The following TENM2 variants were observed in gnomAD, a reference collection of about 807,000 sequenced individuals.
TENM2 encodes the protein teneurin-2.
A neutral mutation model predicts 245.2 loss-of-function variants in TENM2; 52 were observed. That is an observed-to-expected ratio of 0.21 (90% CI 0.17 to 0.27). The LOEUF (loss-of-function observed/expected upper bound fraction) is 0.27. TENM2 is among the 10% of genes least tolerant of loss of function. The pLI is 1.00. For synonymous variants in TENM2, 1,363 were observed against 1,438.9 expected (o/e 0.95, Z 1.19); for missense variants, 3,046 against 3,666.8 (o/e 0.83, Z 4.37).
At chr5:167,918,725 T>C (rs961758623) in intron 3 of TENM2, among the ~76,000 whole-genome samples, 12 of 152,002 alleles carry the variant, frequency 7.9e-5, no homozygotes, top group African/African-American at 2.7e-4. Flanking sequence ...CAGCACCTCC[T>C]GTTAGGCTGA....
intron 2 of TENM2, among the ~76,000 whole-genome samples, chr5:167,576,446 A>C (rs976972316): frequency 3.9e-5 from 6 of 152,140 alleles, no homozygotes; most frequent in Non-Finnish European, 5.9e-5. Flanking sequence ...CTAATTAATG[A>C]ATTATATTGA....
intron 1 of TENM2, among the ~76,000 whole-genome samples, chr5:167,330,489 G>A (rs565463232): frequency 1.3e-5 from 2 of 152,112 alleles, no homozygotes; most frequent in Non-Finnish European, 2.9e-5. Flanking sequence ...ATAAGGAAGA[G>A]CTTTCAAAAG....
chr5:167,109,842 A>G, the TENM2 span, among the ~76,000 whole-genome samples: 1 of 152,168 alleles, frequency 6.6e-6, no homozygotes, highest in Non-Finnish European at 1.5e-5. Flanking sequence ...CCCTATCTCA[A>G]GTGTGGTCCT....
the TENM2 span, among the ~76,000 whole-genome samples, chr5:167,237,782 G>T: frequency 1.9e-4 from 29 of 152,214 alleles, no homozygotes; most frequent in African/African-American, 6.3e-4. Flanking sequence ...GGAGGCCGAG[G>T]TGGGTGGATC....
At chr5:167,936,005 A>T (rs2151735555) in intron 3 of TENM2, among the ~76,000 whole-genome samples, 1 of 152,132 alleles carries the variant, frequency 6.6e-6, no homozygotes, top group Admixed American at 6.5e-5. Flanking sequence ...TATTTCTTTT[A>T]CCACTTTGCA....
intron 7 of TENM2, among the ~76,000 whole-genome samples, chr5:168,086,514 T>C (rs931773789): frequency 1.3e-5 from 2 of 152,156 alleles, no homozygotes; most frequent in African/African-American, 4.8e-5. Context: ...TGGTGTTTAC[T>C]TTGGGTTATT....
chr5:168,076,382 C>A (rs1791479407), intron 7 of TENM2, among the ~76,000 whole-genome samples: 1 of 151,900 alleles, frequency 6.6e-6, no homozygotes, highest in Admixed American at 6.6e-5. Flanking sequence ...CACCCCACCA[C>A]ACCCGACTAA....
intron 5 of TENM2, among the ~76,000 whole-genome samples, chr5:168,035,598 C>T (rs1210662880): frequency 6.6e-6 from 1 of 152,030 alleles, no homozygotes; most frequent in East Asian, 1.9e-4. Context: ...TAGAGAACTC[C>T]AGAAGATGTG....
At chr5:167,486,132 G>A (rs916260708) in intron 2 of TENM2, among the ~76,000 whole-genome samples, 10 of 151,834 alleles carry the variant, frequency 6.6e-5, no homozygotes, top group Admixed American at 2.0e-4. Context: ...CTGTTCCAAC[G>A]TACTGCAAAA....
chr5:167,916,995 G>A (rs181225623), intron 3 of TENM2, among the ~76,000 whole-genome samples: 32 of 152,326 alleles, frequency 2.1e-4, no homozygotes, highest in Middle Eastern at 3.4e-3. Context: ...ATCACCCAGG[G>A]CTAGGGCAGG....
intron 3 of TENM2, among the ~76,000 whole-genome samples, chr5:167,936,513 C>G (rs1778730043): frequency 6.6e-6 from 1 of 152,196 alleles, no homozygotes; most frequent in Non-Finnish European, 1.5e-5. Context: ...GCCTTTCTCC[C>G]TTGTTACAGA....
upstream of TENM2, among the ~76,000 whole-genome samples, chr5:167,284,196 C>T (rs911894259): frequency 2.0e-5 from 3 of 152,120 alleles, no homozygotes; most frequent in African/African-American, 7.2e-5. Context: ...GTTTGCATGT[C>T]GAGAACAACT....
intron 2 of TENM2, among the ~76,000 whole-genome samples, chr5:167,651,211 AT>A (rs1223631275): frequency 2.6e-5 from 4 of 152,086 alleles, no homozygotes; most frequent in African/African-American, 9.7e-5. Flanking sequence ...ATTCATGTAT[AT>A]GTCACGGCTA....
chr5:168,074,401 C>T (rs1164345305), intron 7 of TENM2, among the ~76,000 whole-genome samples: 1 of 152,190 alleles, frequency 6.6e-6, no homozygotes, highest in Non-Finnish European at 1.5e-5. Flanking sequence ...AGATGCTTTC[C>T]TATTATGACA....
chr5:167,619,158 G>T, intron 2 of TENM2, among the ~76,000 whole-genome samples: 1 of 151,924 alleles, frequency 6.6e-6, no homozygotes, highest in East Asian at 1.9e-4. Context: ...TTTTGTTTTG[G>T]TTTTCTATTG....
chr5:167,534,885 C>A (rs1444278833), intron 2 of TENM2, among the ~76,000 whole-genome samples: 1 of 152,136 alleles, frequency 6.6e-6, no homozygotes, highest in Non-Finnish European at 1.5e-5. Context: ...TACATGATGA[C>A]CTGCACTTCT....
chr5:167,545,591 A>T (rs958024004), intron 2 of TENM2, among the ~76,000 whole-genome samples: 1 of 152,204 alleles, frequency 6.6e-6, no homozygotes, highest in African/African-American at 2.4e-5. Context: ...ATAGTGCATT[A>T]TACATCAAAT....
chr5:168,208,953 A>G (rs1762583743), intron 19 of TENM2, among the ~76,000 whole-genome samples: 1 of 152,046 alleles, frequency 6.6e-6, no homozygotes, highest in Admixed American at 6.6e-5. Context: ...CACACAAATA[A>G]CCTAATATTT....
At chr5:168,248,521 T>A in intron 27 of TENM2, 150 bp downstream of exon 29, 1 of 773,052 alleles carries the variant, frequency 1.3e-6, no homozygotes, top group Non-Finnish European at 2.0e-6. Flanking sequence ...CTACAGAGTC[T>A]AGAAAAGTAG....
Sources: gnomAD v4.1 joint callset for allele counts (sites outside exome capture counted in the v4.1 genomes callset) on GRCh38, gnomAD v4.1.1 for gene constraint, MANE v1.5 for transcripts, NCBI Gene and HGNC (gene_info 2026-07-23, HGNC 2026-07-21) for gene names.